TENM2: variants seen among roughly 807,000 people sequenced by gnomAD.
TENM2 encodes teneurin transmembrane protein 2, also known as teneurin-2.
Under a neutral mutation model 245.2 loss-of-function variants are expected in TENM2, and 52 were observed. That is an observed-to-expected ratio of 0.21 (90% CI 0.17 to 0.27). The LOEUF is 0.27. TENM2 is among the 10% of genes least tolerant of loss of function. TENM2 has a pLI of 1.00. For synonymous variants in TENM2, 1,363 were observed against 1,438.9 expected (o/e 0.95, Z 1.19); for missense variants, 3,046 against 3,666.8 (o/e 0.83, Z 4.37).
intron 2 of TENM2, among the ~76,000 whole-genome samples, chr5:167,561,365 T>C (rs1455198308): frequency 6.6e-6 from 1 of 152,180 alleles, no homozygotes; most frequent in Non-Finnish European, 1.5e-5. Context: ...CCAAGGTCAT[T>C]GTATAAATAA....
chr5:167,994,893 T>C (rs1292926834), intron 5 of TENM2, among the ~76,000 whole-genome samples: 1 of 152,194 alleles, frequency 6.6e-6, no homozygotes, highest in East Asian at 1.9e-4. Context: ...GAGTACATCT[T>C]AGTGTGTTGC....
intron 2 of TENM2, among the ~76,000 whole-genome samples, chr5:167,457,483 C>A (rs1765996333): frequency 6.6e-6 from 1 of 151,986 alleles, no homozygotes; most frequent in African/African-American, 2.4e-5. Context: ...GCTGGGATTA[C>A]ATGGGTGGCA....
At chr5:167,620,313 C>G (rs182443336) in intron 2 of TENM2, among the ~76,000 whole-genome samples, 1 of 152,230 alleles carries the variant, frequency 6.6e-6, no homozygotes, top group Admixed American at 6.5e-5. Flanking sequence ...TCCCAAGAAG[C>G]AAGCCTCAAG....
the TENM2 span, among the ~76,000 whole-genome samples, chr5:167,081,615 A>G: frequency 3.9e-5 from 6 of 152,216 alleles, no homozygotes; most frequent in Admixed American, 1.3e-4. Flanking sequence ...TGAGCTGTAA[A>G]TAGGGATTTG....
At chr5:167,980,313 G>T (rs1216771264) in intron 4 of TENM2, among the ~76,000 whole-genome samples, 2 of 152,194 alleles carry the variant, frequency 1.3e-5, no homozygotes, top group African/African-American at 4.8e-5. Context: ...GACAAGGTAG[G>T]ATGCAAGATG....
chr5:168,024,527 T>C (rs899489367), intron 5 of TENM2, among the ~76,000 whole-genome samples: 2 of 152,244 alleles, frequency 1.3e-5, no homozygotes, highest in Non-Finnish European at 2.9e-5. Context: ...GCCAGAATTC[T>C]ACTAAAGTGC....
rs141040391 is a variant in TENM2 at position 167,995,874 on chromosome 5, A to T, written c.1186+2692A>T. 2.5e-3 allele frequency among the ~76,000 whole-genome samples: 387 copies of T among 152,324 alleles called. 2 individuals carry two copies. Among genetic ancestry groups the T allele is most frequent in the African/African-American group, 9.0e-3 (373 of 41,570 alleles). On this transcript the variant is annotated intron_variant, in intron 5 of 28. Transcript: ENST00000518659. ...ACCAATGATTGTGCCCACCTGGGAA[A>T]CAAGCCATCAGGGAAGGGCAGAAAG...
At chr5:168,252,473 G>C (rs184261930) in intron 27 of TENM2, among the ~76,000 whole-genome samples, 1 of 151,924 alleles carries the variant, frequency 6.6e-6, no homozygotes, top group Non-Finnish European at 1.5e-5. Context: ...GACACACTGG[G>C]ATCTATACCC....
At chr5:167,421,630 G>A (rs369172327) in intron 2 of TENM2, among the ~76,000 whole-genome samples, 23 of 152,196 alleles carry the variant, frequency 1.5e-4, no homozygotes, top group African/African-American at 4.6e-4. Flanking sequence ...GCTCTTCCAC[G>A]TCCATTAGCT....
At chr5:167,625,993 C>A (rs937851188) in intron 2 of TENM2, among the ~76,000 whole-genome samples, 1 of 152,134 alleles carries the variant, frequency 6.6e-6, no homozygotes, top group African/African-American at 2.4e-5. Flanking sequence ...GACATCTCTT[C>A]TATGACCCAA....
At chr5:168,167,939 G>A (rs1479649441) in intron 13 of TENM2, among the ~76,000 whole-genome samples, 1 of 152,186 alleles carries the variant, frequency 6.6e-6, no homozygotes, top group Non-Finnish European at 1.5e-5. Flanking sequence ...GCTGCTGCTA[G>A]CATTAACATT....
At chr5:167,760,113 G>A (rs1762566458) in intron 2 of TENM2, among the ~76,000 whole-genome samples, 1 of 152,136 alleles carries the variant, frequency 6.6e-6, no homozygotes, top group Admixed American at 6.5e-5. Context: ...TATTTAAGTG[G>A]AATGCTATGC....
the TENM2 span, among the ~76,000 whole-genome samples, chr5:167,086,918 A>G: frequency 6.4e-5 from 7 of 109,938 alleles, no homozygotes; most frequent in African/African-American, 2.5e-4. Flanking sequence ...AGGAAACTCT[A>G]ACACACACAC....
intron 5 of TENM2, among the ~76,000 whole-genome samples, chr5:167,994,515 C>T (rs920783186): frequency 7.2e-5 from 11 of 152,200 alleles, no homozygotes; most frequent in Non-Finnish European, 1.0e-4. Flanking sequence ...AGATCTGGGG[C>T]CCTGCCTAAG....
intron 5 of TENM2, among the ~76,000 whole-genome samples, chr5:168,007,702 C>T (rs1201850976): frequency 1.3e-5 from 2 of 152,204 alleles, no homozygotes; most frequent in Non-Finnish European, 2.9e-5. Flanking sequence ...ATATCTACTT[C>T]AAGGATGGTT....
At chr5:167,977,922 G>A (rs558869977) in intron 4 of TENM2, among the ~76,000 whole-genome samples, 10 of 152,252 alleles carry the variant, frequency 6.6e-5, no homozygotes, top group African/African-American at 2.4e-4. Context: ...GGGTCATGGG[G>A]GTGGATCTCT....
At chr5:167,594,336 C>T (rs1450579843) in intron 2 of TENM2, among the ~76,000 whole-genome samples, 1 of 152,042 alleles carries the variant, frequency 6.6e-6, no homozygotes, top group Non-Finnish European at 1.5e-5. Flanking sequence ...TTTGAGAAAG[C>T]ACATGGTATT....
chr5:167,571,638 TA>T (rs993266364), intron 2 of TENM2, among the ~76,000 whole-genome samples: 1 of 152,284 alleles, frequency 6.6e-6, no homozygotes, highest in South Asian at 2.1e-4. Flanking sequence ...TTTGTAGCTT[TA>T]AAAAAATCTC....
chr5:168,117,868 G>A (rs970318763), intron 9 of TENM2, among the ~76,000 whole-genome samples: 6 of 152,170 alleles, frequency 3.9e-5, no homozygotes, highest in African/African-American at 7.2e-5. Flanking sequence ...CGTCAGTGTC[G>A]CTTAGTGAAG....
Sources: gnomAD v4.1 joint callset for allele counts (sites outside exome capture counted in the v4.1 genomes callset) on GRCh38, gnomAD v4.1.1 for gene constraint, MANE v1.5 for transcripts, NCBI Gene and HGNC (gene_info 2026-07-23, HGNC 2026-07-21) for gene names.